HTR4: variants seen among roughly 807,000 people sequenced by gnomAD.
HTR4 encodes 5-hydroxytryptamine receptor 4, also known as 5-hydroxytryptamine (serotonin) receptor 4, G protein-coupled.
In HTR4, 16 loss-of-function variants were observed where a neutral mutation model predicts 36.8. The ratio of observed to expected loss-of-function variants is 0.43; its 90% confidence interval spans 0.29 to 0.66. The LOEUF is 0.66. HTR4 is among the 30% of genes least tolerant of loss of function. The probability of loss-of-function intolerance (pLI) is 0.13; values close to 1 mark genes in which losing one functional copy is unlikely to be tolerated. For missense variants in HTR4, 438 were observed against 490.9 expected (o/e 0.89, Z 1.02); for synonymous variants, 189 against 185.1 (o/e 1.02, Z -0.17).
intron 2 of HTR4, among the ~76,000 whole-genome samples, chr5:148,613,193 A>T (rs1675282119): frequency 6.6e-6 from 1 of 151,300 alleles, no homozygotes; most frequent in Admixed American, 6.6e-5. Flanking sequence ...GGCCAGCATC[A>T]TTCTGATATC....
At chr5:148,635,566 A>G (rs1286250952) in intron 2 of HTR4, among the ~76,000 whole-genome samples, 1 of 152,196 alleles carries the variant, frequency 6.6e-6, no homozygotes, top group Non-Finnish European at 1.5e-5. Flanking sequence ...CTATAAATAA[A>G]TGTTTAAAAG....
intron 2 of HTR4, among the ~76,000 whole-genome samples, chr5:148,576,116 A>AAAAAAAAAC (rs1561629130): frequency 3.9e-5 from 5 of 126,896 alleles, no homozygotes; most frequent in African/African-American, 1.7e-4. Flanking sequence ...GTCTCAAAAA[A>AAAAAAAAAC]AAAAAAAAAA....
chr5:148,652,681 T>C (rs1754076191), intron 1 of HTR4, among the ~76,000 whole-genome samples: 1 of 152,154 alleles, frequency 6.6e-6, no homozygotes, highest in Admixed American at 6.5e-5. Flanking sequence ...CTGAAGCTCC[T>C]GCTAGCTTCA....
chr5:148,644,267 A>G (rs1444418355), intron 1 of HTR4, among the ~76,000 whole-genome samples: 1 of 152,090 alleles, frequency 6.6e-6, no homozygotes, highest in East Asian at 1.9e-4. Flanking sequence ...ATCAGGTCGT[A>G]TGTTAAAAAA....
At position 148,636,999 on chromosome 5, in the gene HTR4, C is replaced by T. The variant is rs1453175896; in HGVS notation, c.16G>A (p.Ala6Thr). 9 of 1,602,362 alleles carry T rather than the reference C, an allele frequency of 5.6e-6. No homozygotes were observed. In the Admixed American group the frequency reaches 1.3e-4, roughly 24 times the overall value. The change falls in exon 2 of 7, where the codon GCT (alanine) becomes ACT (threonine). Residue 6 changes from alanine (A) to threonine (T), a missense_variant. Transcript: ENST00000377888. Reference protein sequence around the residue: MDKLDANVSSEEGFGS... With the variant: MDKLDTNVSSEEGFGS... Reference sequence around the variant, plus strand: ...AGAAAGGTAACATACCTCACATTAGCATCAAGTTTGTCCATTACAGGAAAT... The same window carrying T: ...AGAAAGGTAACATACCTCACATTAGTATCAAGTTTGTCCATTACAGGAAAT...
At chr5:148,530,654 A>G (rs1169697738) in intron 4 of HTR4, among the ~76,000 whole-genome samples, 1 of 152,188 alleles carries the variant, frequency 6.6e-6, no homozygotes, top group Non-Finnish European at 1.5e-5. Flanking sequence ...CAGAGTCCCT[A>G]CTGGGGCACC....
At chr5:148,454,500 T>C (rs997561541) in intron 5 of HTR4, among the ~76,000 whole-genome samples, 3 of 152,316 alleles carry the variant, frequency 2.0e-5, no homozygotes, top group Admixed American at 2.0e-4. Context: ...ATAATGATGA[T>C]GATGATGTAC....
intron 1 of HTR4, among the ~76,000 whole-genome samples, chr5:148,644,304 A>T (rs1753811026): frequency 6.6e-6 from 1 of 151,026 alleles, no homozygotes; most frequent in Non-Finnish European, 1.5e-5. Flanking sequence ...TTTCTGTTTT[A>T]GTTATTGTTG....
intron 2 of HTR4, among the ~76,000 whole-genome samples, chr5:148,619,367 A>T (rs1003073105): frequency 1.3e-5 from 2 of 152,228 alleles, no homozygotes; most frequent in Non-Finnish European, 2.9e-5. Context: ...CTGTTCAAAG[A>T]AAATTAAGAT....
In HTR4 at chr5:148,542,000, T is replaced by C. The variant is rs1316500367; in HGVS notation, c.353+6668A>G. Reference sequence around the variant, plus strand: ...CCTTATAGTATTCAATGGTCACCAATTTTACTGTAATTATCTGTTTACTGT... The same window carrying C: ...CCTTATAGTATTCAATGGTCACCAACTTTACTGTAATTATCTGTTTACTGT... On this transcript the variant is annotated intron_variant, in intron 4 of 6. Transcript: ENST00000377888. 2.0e-5 allele frequency among the ~76,000 whole-genome samples: 3 copies of C among 152,116 alleles called. 1 individual carries two copies. The highest frequency in any genetic ancestry group is 7.2e-5 in the African/African-American group (3 of 41,436).
chr5:148,622,067 T>A (rs1752936869), intron 2 of HTR4, among the ~76,000 whole-genome samples: 1 of 152,170 alleles, frequency 6.6e-6, no homozygotes, highest in African/African-American at 2.4e-5. Flanking sequence ...TGACTGCCTC[T>A]TGTAATAATT....
chr5:148,451,265 C>T (rs201201172), exon 6 of HTR4: 18 of 1,613,628 alleles, frequency 1.1e-5, no homozygotes, highest in Admixed American at 3.3e-5. Context: ...CTGTGCAGAA[C>T]GGTGTACCTA....
At chr5:148,635,475 G>A (rs757702738) in intron 2 of HTR4, among the ~76,000 whole-genome samples, 51 of 152,094 alleles carry the variant, frequency 3.4e-4, no homozygotes, top group Non-Finnish European at 5.7e-4. Context: ...CTTGTATCCT[G>A]CACTATTGTT....
chr5:148,560,284 C>G (rs1470701211), intron 2 of HTR4, among the ~76,000 whole-genome samples: 2 of 150,078 alleles, frequency 1.3e-5, no homozygotes, highest in Non-Finnish European at 2.9e-5. Flanking sequence ...AGCATCAGAG[C>G]AGTGGTGCTT....
intron 1 of HTR4, among the ~76,000 whole-genome samples, chr5:148,640,584 A>G (rs1753701120): frequency 6.6e-6 from 1 of 152,192 alleles, no homozygotes; most frequent in Non-Finnish European, 1.5e-5. Flanking sequence ...TGTCCTGACT[A>G]CATAATTTGA....
intron 5 of HTR4, among the ~76,000 whole-genome samples, chr5:148,453,530 T>C (rs1287841094): frequency 6.6e-6 from 1 of 152,024 alleles, no homozygotes; most frequent in African/African-American, 2.4e-5. Context: ...TCTGGGAAAA[T>C]AACATTCTAG....
chr5:148,494,532 T>C (rs1333234320), intron 6 of HTR4, among the ~76,000 whole-genome samples: 1 of 152,258 alleles, frequency 6.6e-6, no homozygotes, highest in Non-Finnish European at 1.5e-5. Flanking sequence ...TGATTTCATA[T>C]AGAAATCTGA....
chr5:148,574,075 G>A (rs933798867), intron 2 of HTR4, among the ~76,000 whole-genome samples: 1 of 152,122 alleles, frequency 6.6e-6, no homozygotes, highest in African/African-American at 2.4e-5. Flanking sequence ...TCCCATCATT[G>A]CTCCTTTTCC....
At position 148,550,204 on chromosome 5, in the gene HTR4, C is replaced by A; in HGVS notation, c.85G>T (p.Val29Phe). 2 of 1,614,096 alleles carry A rather than the reference C, an allele frequency of 1.2e-6. No individual in the cohort carries two copies. The highest frequency in any genetic ancestry group is 8.5e-7 in the Non-Finnish European group (1 of 1,179,998). Residue 29 changes from valine (V) to phenylalanine (F), a missense_variant, in exon 3 of 7, where the codon GTT becomes TTT. Val to Phe is a conservative substitution (Grantham distance 50). Transcript: ENST00000377888. ...TTCCCCAAGATGGCCATCAGGATAACCGTCGAGAGAAACGTGAGCAGCACC... is the reference window on the plus strand; with the variant it reads ...TTCCCCAAGATGGCCATCAGGATAAACGTCGAGAGAAACGTGAGCAGCACC... ...KVVLLTFLST[V>F]ILMAILGNLL...
Sources: gnomAD v4.1 joint callset for allele counts (sites outside exome capture counted in the v4.1 genomes callset) on GRCh38, gnomAD v4.1.1 for gene constraint, MANE v1.5 for transcripts, NCBI Gene and HGNC (gene_info 2026-07-23, HGNC 2026-07-21) for gene names.